PATE2: variants seen among roughly 807,000 people sequenced by gnomAD.
PATE2 encodes the protein prostate and testis expressed protein 2.
In PATE2, 7 loss-of-function variants were observed where a neutral mutation model predicts 10.5. The ratio of observed to expected loss-of-function variants is 0.66; its 90% CI spans 0.38 to 1.25. The LOEUF is 1.25. Among genes scored for constraint, PATE2 ranks in the 50% most tolerant of loss-of-function variants. The probability of loss-of-function intolerance (pLI) is 0.02; values close to 1 mark genes in which losing one functional copy is unlikely to be tolerated. For missense variants in PATE2, 133 were observed against 135.4 expected, an observed-to-expected ratio of 0.98 and a Z score of 0.09; for synonymous variants, 44 against 46.9, an observed-to-expected ratio of 0.94 and a Z score of 0.25.
Position 125,777,554 on chromosome 11 carries a change from G to GACCTCATTT in PATE2, c.206-45_206-37dup, listed in dbSNP as rs765616633. The GACCTCATTT allele has an allele frequency of 4.0e-5, 65 of 1,611,752 alleles. No individual in the cohort carries two copies. The African/African-American group carries it at 6.4e-4, about 16-fold the overall frequency. ...AAAAGAGAGGAAATATGATCATAAT[G>GACCTCATTT]ACCTCATTTCCTTTTACTGCGTTCC... On this transcript the variant is annotated intron_variant, in intron 3 of 3. Coordinates refer to ENST00000358524, the MANE Select transcript of PATE2 (RefSeq NM_212555.3).
Position 125,776,541 on chromosome 11 carries a change from G to C in PATE2, c.*841C>G. 1 of 152,032 alleles carries C rather than the reference G, an allele frequency of 6.6e-6. No individual in the cohort carries two copies. Among genetic ancestry groups the C allele is most frequent in the East Asian group, 1.9e-4 (1 of 5,176 alleles). The allele number at this position is 152,032 out of a possible 1,614,324, so 9.4% of individuals were successfully genotyped here. A position where few individuals can be genotyped will look rare whatever the true frequency, so the allele number is the denominator to read the frequency against. On this transcript the variant is annotated 3_prime_UTR_variant, in exon 4 of 4. Coordinates refer to ENST00000358524, the MANE Select transcript of PATE2 (RefSeq NM_212555.3). Reference sequence around the variant, plus strand: ...CTCTGTTACTTGAACACTACCTCATGGTATCTATTTACATCCTATTATCTT... The same window carrying C: ...CTCTGTTACTTGAACACTACCTCATCGTATCTATTTACATCCTATTATCTT...
chr11:125,777,929 G>A lies in PATE2; in HGVS notation c.150C>T (p.Ser50=), dbSNP rs138832273. Residue 50 remains serine, a synonymous_variant, in exon 3 of 4, where the codon TCC becomes TCT. Transcript: ENST00000358524. ...GLCYGVMTSC[S]LKHKQSCAVE... ...CTGCACAGGACTGTTTATGCTTCAG[G>A]GAGCAGGATGTCATGACACCATAGC... The A allele has an allele frequency of 2.4e-4, 382 of 1,613,128 alleles. No homozygotes were observed. The highest frequency in any genetic ancestry group is 2.9e-4 in the Non-Finnish European group (346 of 1,179,462).
chr11:125,778,647 G>T, intron 1 of PATE2, 72 bp from the exon 2 acceptor site: 1 of 1,611,870 alleles, frequency 6.2e-7, no homozygotes, highest in South Asian at 1.1e-5. Context: ...AGCCAATTTT[G>T]AAAACTTTCT....
chr11:125,777,917 T>C lies in PATE2; in HGVS notation c.162A>G (p.Lys54=). 1 of 1,613,484 alleles carries C rather than the reference T, an allele frequency of 6.2e-7. No individual in the cohort carries two copies. Among genetic ancestry groups the C allele is most frequent in the Non-Finnish European group, 8.5e-7 (1 of 1,179,608 alleles). ...AAAAGTTCTCAACTGCACAGGACTG[T>C]TTATGCTTCAGGGAGCAGGATGTCA... ...GVMTSCSLKH[K]QSCAVENFYI... The change falls in exon 3 of 4, where the codon AAA becomes AAG. Residue 54 remains lysine (K), a synonymous_variant. Coordinates refer to ENST00000358524, the MANE Select transcript of PATE2 (RefSeq NM_212555.3).
intron 3 of PATE2, 40 bp downstream of exon 3, chr11:125,777,833 TG>T (rs773495558): frequency 8.7e-6 from 14 of 1,603,104 alleles, no homozygotes; most frequent in Admixed American, 8.4e-5. Flanking sequence ...TTCTCAGGGA[TG>T]GTGGTGGTGA....
At chr11:125,778,425 G>T in intron 2 of PATE2, 127 bp downstream of exon 2, 1 of 1,053,856 alleles carries the variant, frequency 9.5e-7, no homozygotes, top group Non-Finnish European at 1.4e-6. Context: ...CTGGCAGGAG[G>T]CGAAACCCCT....
Position 125,777,293 on chromosome 11 carries a change from A to T in PATE2, c.*89T>A, listed in dbSNP as rs1269679786. On this transcript the variant is annotated 3_prime_UTR_variant, in exon 4 of 4. Coordinates refer to ENST00000358524, the MANE Select transcript of PATE2 (RefSeq NM_212555.3). ...TGGCTTTCTCACTCTCTACCAATGC[A>T]TAGAAGAGGAGAGCAAAATTCAGGT... 6.8e-7 allele frequency: 1 copy of T among 1,460,502 alleles called. No homozygotes were observed. Among genetic ancestry groups the T allele is most frequent in the African/African-American group, 1.4e-5 (1 of 71,080 alleles). The allele number at this position is 1,460,502 out of a possible 1,614,324, so 90.5% of individuals were successfully genotyped here.
rs1170212339 is a variant in PATE2 at position 125,777,473 on chromosome 11, C to G, written c.251G>C (p.Cys84Ser). The change falls in exon 4 of 4, where the codon TGT becomes TCT. Residue 84 changes from cysteine to serine, a missense_variant. Coordinates refer to ENST00000358524, the MANE Select transcript of PATE2 (RefSeq NM_212555.3). Reference protein sequence around the residue: ...HYSKLSCMTSCEDINFLGFTK... With the variant: ...HYSKLSCMTSSEDINFLGFTK... ...GAACCCCAGGAAGTTGATGTCCTCA[C>G]AGCTGGTCATACACGACAGTTTTGA... is the stretch of plus-strand genomic sequence containing the variant. 6.2e-7 allele frequency: 1 copy of G among 1,613,644 alleles called. No individual in the cohort carries two copies. Among genetic ancestry groups the G allele is most frequent in the African/African-American group, 1.3e-5 (1 of 74,882 alleles).
chr11:125,777,741 G>C (rs1300386415), intron 3 of PATE2, 133 bp downstream of exon 3: 5 of 1,239,580 alleles, frequency 4.0e-6, no homozygotes, highest in Non-Finnish European at 5.5e-6. Flanking sequence ...GGAAAAGTCT[G>C]TCTTTGCCAT....
In PATE2 at chr11:125,777,961, C is replaced by A; in HGVS notation, c.118G>T (p.Gly40Trp). The A allele has an allele frequency of 2.5e-6, 4 of 1,613,082 alleles. No homozygotes were observed. Among genetic ancestry groups the A allele is most frequent in the Non-Finnish European group, 3.4e-6 (4 of 1,179,314 alleles). Reference protein sequence around the residue: ...MCYECKKYHLGLCYGVMTSCS... With the variant: ...MCYECKKYHLWLCYGVMTSCS... ...GATGTCATGACACCATAGCATAACC[C>A]AAGATGATATTTTTTACATTCATAA... Residue 40 changes from glycine (G) to tryptophan (W), a missense_variant, in exon 3 of 4, where the codon GGG (glycine) becomes TGG (tryptophan). Transcript: ENST00000358524.
chr11:125,777,748 C>T, intron 3 of PATE2, 126 bp downstream of exon 3: 2 of 1,272,424 alleles, frequency 1.6e-6, no homozygotes, highest in Admixed American at 2.5e-5. Flanking sequence ...TCTGTCTTTG[C>T]CATCCCCTCA....
Position 125,777,492 on chromosome 11 carries a change from G to GT in PATE2, c.231dup (p.Leu78ThrfsTer8). 6.2e-7 allele frequency: 1 copy of GT among 1,613,720 alleles called. No individual in the cohort carries two copies. On this transcript the variant is annotated frameshift_variant, in exon 4 of 4. Coordinates refer to ENST00000358524, the MANE Select transcript of PATE2 (RefSeq NM_212555.3). LOFTEE classifies it high-confidence loss of function. The stretch of plus-strand genomic sequence containing the variant: ...TCCTCACAGCTGGTCATACACGACA[G>GT]TTTTGAATAATGATACATGCTCTGC...
chr11:125,778,790 G>T lies in PATE2; in HGVS notation c.-17C>A. The T allele has an allele frequency of 6.2e-7, 1 of 1,613,234 alleles. No homozygotes were observed. Among genetic ancestry groups the T allele is most frequent in the Non-Finnish European group, 8.5e-7 (1 of 1,179,510 alleles). On this transcript the variant is annotated 5_prime_UTR_variant, in exon 1 of 4. It adds an upstream start codon to the 5' untranslated region. Coordinates refer to ENST00000358524, the MANE Select transcript of PATE2 (RefSeq NM_212555.3). ...AACAAGCATCCTGGAGCTTCTGTCA[G>T]GTGCAGCTTCCTGTGGAAGGAGCAA...
At chr11:125,778,163 C>T (rs1309972250) in intron 2 of PATE2, among the ~76,000 whole-genome samples, 161 bp from the exon 3 acceptor site, 2 of 151,934 alleles carry the variant, frequency 1.3e-5, no homozygotes, top group Non-Finnish European at 2.9e-5. Flanking sequence ...AATCATGCTG[C>T]GGTCCTCCCC....
At chr11:125,777,837 G>T in intron 3 of PATE2, 37 bp downstream of exon 3, 2 of 1,606,404 alleles carry the variant, frequency 1.2e-6, no homozygotes, top group Admixed American at 1.7e-5. Context: ...CAGGGATGGT[G>T]GTGGTGATTT....
At position 125,777,534 on chromosome 11, in the gene PATE2, A is replaced by G; in HGVS notation, c.206-16T>C. ...ATGCTCTGCCCTGAGGAGGTAAAAG[A>G]GAGGAAATATGATCATAATGACCTC... On this transcript the variant is annotated splice_polypyrimidine_tract_variant and intron_variant, in intron 3 of 3. Transcript: ENST00000358524. 1.2e-6 allele frequency: 2 copies of G among 1,613,164 alleles called. No individual in the cohort carries two copies. The highest frequency in any genetic ancestry group is 1.7e-6 in the Non-Finnish European group (2 of 1,179,440).
Position 125,776,209 on chromosome 11 carries a change from G to T in PATE2, c.*1173C>A, listed in dbSNP as rs370335780. 5 of 151,632 alleles carry T rather than the reference G, an allele frequency of 3.3e-5. No individual in the cohort carries two copies. The highest frequency in any genetic ancestry group is 1.2e-4 in the African/African-American group (5 of 41,214). The allele number at this position is 151,632 out of a possible 1,614,324, so 9.4% of individuals were successfully genotyped here. A position where few individuals can be genotyped will look rare whatever the true frequency, so the allele number is the denominator to read the frequency against. Reference sequence around the variant, plus strand: ...TTTTTTATTTTACTTTAAGTTCTGGGATACATGAAAGAAAGTGCAGCATGC... The same window carrying T: ...TTTTTTATTTTACTTTAAGTTCTGGTATACATGAAAGAAAGTGCAGCATGC... On this transcript the variant is annotated 3_prime_UTR_variant, in exon 4 of 4. Coordinates refer to ENST00000358524, the MANE Select transcript of PATE2 (RefSeq NM_212555.3).
chr11:125,778,303 T>C (rs1325195910), intron 2 of PATE2, among the ~76,000 whole-genome samples: 1 of 152,152 alleles, frequency 6.6e-6, no homozygotes, highest in African/African-American at 2.4e-5. Flanking sequence ...AATTTATCCA[T>C]GGACCTCCAG....
Position 125,778,398 on chromosome 11 carries a change from A to T in PATE2, c.76+154T>A, listed in dbSNP as rs184636862. The stretch of plus-strand genomic sequence containing the variant: ...TGGATCTTAGCCTCCTTACTCTAAG[A>T]AATGGACAAAACAGGTCTGGCAGGA... On this transcript the variant is annotated intron_variant, in intron 2 of 3. Transcript: ENST00000358524. Among the ~76,000 whole-genome samples the T allele has an allele frequency of 5.7e-3, 873 of 152,214 alleles. 11 individuals are homozygous for T. The highest frequency in any genetic ancestry group is 0.02 in the African/African-American group (830 of 41,538).
Sources: gnomAD v4.1 joint callset for allele counts (sites outside exome capture counted in the v4.1 genomes callset) on GRCh38, gnomAD v4.1.1 for gene constraint, MANE v1.5 for transcripts, NCBI Gene and HGNC (gene_info 2026-07-23, HGNC 2026-07-21) for gene names.